The following PCDHA9 variants were observed in gnomAD, a reference collection of about 807,000 sequenced individuals.
PCDHA9 encodes protocadherin alpha 9.
A neutral mutation model predicts 62.0 loss-of-function variants in PCDHA9; 62 were observed. That is an observed-to-expected ratio of 1.00 (90% CI 0.81 to 1.23). The LOEUF is 1.23. Among genes scored for constraint, PCDHA9 ranks in the 50% most tolerant of loss-of-function variants. PCDHA9 has a pLI of 0.00. For synonymous variants in PCDHA9, 557 were observed against 567.6 expected, an observed-to-expected ratio of 0.98 and a Z score of 0.27; for missense variants, 1,205 against 1,249.8, an observed-to-expected ratio of 0.96 and a Z score of 0.54.
At chr5:140,989,865 C>T (rs1209207256) in intron 3 of PCDHA9, among the ~76,000 whole-genome samples, 1 of 152,034 alleles carries the variant, frequency 6.6e-6, no homozygotes, top group Non-Finnish European at 1.5e-5. Flanking sequence ...AGGAATCTTT[C>T]TCTGCCTCAG....
intron 1 of PCDHA9, chr5:140,869,808 C>A: frequency 6.2e-7 from 1 of 1,612,402 alleles, no homozygotes; most frequent in South Asian, 1.1e-5. Context: ...TCTTGGATGT[C>A]AACGACAATG....
In PCDHA9 at chr5:140,987,224, A is replaced by AAT. The variant is rs1554248891; in HGVS notation, c.2542+4662_2542+4663insTA. Among the ~76,000 whole-genome samples, 91 of 152,046 alleles carry AAT rather than the reference A, an allele frequency of 6.0e-4. 1 individual carries two copies. Among genetic ancestry groups the AAT allele is most frequent in the African/African-American group, 2.0e-3 (84 of 41,424 alleles). ...GTGAGACTCCATCTCAAAAAAAAAA[A>AAT]AAATAATAAATAAAGAAAGAAAGAC... On this transcript the variant is annotated intron_variant, in intron 3 of 3. Coordinates refer to ENST00000532602, the MANE Select transcript of PCDHA9 (RefSeq NM_031857.2).
chr5:140,871,832 C>G (rs2053333400), intron 1 of PCDHA9, among the ~76,000 whole-genome samples: 2 of 152,246 alleles, frequency 1.3e-5, no homozygotes, highest in Non-Finnish European at 2.9e-5. Context: ...CCCTTCATCT[C>G]TAAACTTCAA....
intron 1 of PCDHA9, among the ~76,000 whole-genome samples, chr5:140,949,914 C>T (rs941651578): frequency 1.3e-5 from 2 of 151,190 alleles, no homozygotes; most frequent in African/African-American, 4.8e-5. Context: ...TTAGATATAA[C>T]TATTTTTAGA....
At chr5:140,914,807 A>G (rs929659841) in intron 1 of PCDHA9, among the ~76,000 whole-genome samples, 2 of 152,330 alleles carry the variant, frequency 1.3e-5, no homozygotes, top group Middle Eastern at 3.4e-3. Context: ...ACTGATGGCA[A>G]CTTAACAGAC....
At chr5:140,905,130 G>A (rs2071615464) in intron 1 of PCDHA9, among the ~76,000 whole-genome samples, 1 of 152,178 alleles carries the variant, frequency 6.6e-6, no homozygotes, top group African/African-American at 2.4e-5. Flanking sequence ...GTCTAGAAGA[G>A]TTTTTCTGCT....
intron 3 of PCDHA9, among the ~76,000 whole-genome samples, chr5:140,984,789 A>G (rs2097121266): frequency 6.6e-6 from 1 of 152,202 alleles, no homozygotes; most frequent in African/African-American, 2.4e-5. Context: ...GGGTGAGCAT[A>G]GACAAACTGC....
At chr5:140,999,138 C>G (rs530740266) in intron 3 of PCDHA9, among the ~76,000 whole-genome samples, 1 of 152,258 alleles carries the variant, frequency 6.6e-6, no homozygotes, top group East Asian at 1.9e-4. Context: ...AATGTCACAG[C>G]CGGAAGTCTT....
intron 1 of PCDHA9, chr5:140,876,669 C>T: frequency 6.2e-7 from 1 of 1,614,186 alleles, no homozygotes; most frequent in Non-Finnish European, 8.5e-7. Context: ...AGCTGGTGTC[C>T]ACCTACAAGA....
At chr5:140,872,270 T>G (rs1246364406) in intron 1 of PCDHA9, among the ~76,000 whole-genome samples, 1 of 152,172 alleles carries the variant, frequency 6.6e-6, no homozygotes, top group African/African-American at 2.4e-5. Context: ...TCATATTGTT[T>G]GAAGAAAAAA....
intron 1 of PCDHA9, chr5:140,857,619 A>G: frequency 6.3e-7 from 1 of 1,596,352 alleles, no homozygotes; most frequent in Non-Finnish European, 8.6e-7. Flanking sequence ...CCGCTGGACC[A>G]CGAGGAGCTG....
intron 1 of PCDHA9, chr5:140,857,929 G>A: frequency 1.3e-6 from 2 of 1,597,764 alleles, no homozygotes; most frequent in Non-Finnish European, 1.7e-6. Flanking sequence ...GGCTGTACAC[G>A]GGCGAGATCA....
chr5:140,877,572 C>T (rs2057210526), intron 1 of PCDHA9: 6 of 1,613,784 alleles, frequency 3.7e-6, no homozygotes, highest in Non-Finnish European at 4.2e-6. Flanking sequence ...ACGTGTACCT[C>T]ATCATCGCCA....
At chr5:140,983,171 C>T (rs1371766725) in intron 3 of PCDHA9, among the ~76,000 whole-genome samples, 2 of 152,136 alleles carry the variant, frequency 1.3e-5, no homozygotes, top group Non-Finnish European at 2.9e-5. Flanking sequence ...AACATGACCG[C>T]CTCACAATTT....
chr5:140,986,545 G>T (rs1554248133), intron 3 of PCDHA9, among the ~76,000 whole-genome samples: 1 of 152,172 alleles, frequency 6.6e-6, no homozygotes, highest in East Asian at 1.9e-4. Context: ...GCTTCAGTGG[G>T]CCAGGCTGCT....
At chr5:140,862,122 G>A (rs2047215545) in intron 1 of PCDHA9, 2 of 161,786 alleles carry the variant, frequency 1.2e-5, no homozygotes, top group Admixed American at 5.7e-5. Flanking sequence ...ATAAATAAAT[G>A]TAAAGATAGG....
At chr5:140,965,400 G>A (rs782574003) in intron 1 of PCDHA9, among the ~76,000 whole-genome samples, 1 of 152,154 alleles carries the variant, frequency 6.6e-6, no homozygotes, top group Non-Finnish European at 1.5e-5. Context: ...GAAGTCTAAG[G>A]AGTCTTATAT....
Position 140,928,772 on chromosome 5 carries a change from C to T in PCDHA9, c.2395-50177C>T, listed in dbSNP as rs1554206297. The stretch of plus-strand genomic sequence containing the variant: ...CGTACTGCTCGCTTAGTTCTTCCCA[C>T]TGATGCAGTTAAGCAGAGGGTGGTG... On this transcript the variant is annotated intron_variant, in intron 1 of 3. Coordinates refer to ENST00000532602, the MANE Select transcript of PCDHA9 (RefSeq NM_031857.2). The T allele has an allele frequency of 2.5e-6, 4 of 1,614,054 alleles. No individual in the cohort carries two copies. The East Asian group carries it at 6.7e-5, about 27-fold the overall frequency.
chr5:140,919,593 T>A (rs541275874), intron 1 of PCDHA9, among the ~76,000 whole-genome samples: 1 of 152,332 alleles, frequency 6.6e-6, no homozygotes, highest in South Asian at 2.1e-4. Flanking sequence ...TGGTAATTTT[T>A]AAAATAAATT....
Sources: gnomAD v4.1 joint callset for allele counts (sites outside exome capture counted in the v4.1 genomes callset) on GRCh38, gnomAD v4.1.1 for gene constraint, MANE v1.5 for transcripts, NCBI Gene and HGNC (gene_info 2026-07-23, HGNC 2026-07-21) for gene names.